ELMO1: variants seen among roughly 807,000 people sequenced by gnomAD.
ELMO1 encodes the protein engulfment and cell motility protein 1.
In ELMO1, 26 loss-of-function variants were observed where a neutral mutation model predicts 98.9. The ratio of observed to expected loss-of-function variants is 0.26; its 90% confidence interval spans 0.19 to 0.36. The LOEUF is 0.36. Among genes scored for constraint, ELMO1 ranks in the 10% least tolerant of loss-of-function variants. The pLI is 1.00. For synonymous variants in ELMO1, 346 were observed against 346.0 expected, an observed-to-expected ratio of 1.00 and a Z score of 0.00; for missense variants, 627 against 935.2, an observed-to-expected ratio of 0.67 and a Z score of 4.30.
At chr7:37,186,694 A>AGCACAAGAAAAGATT (rs1365950131) in intron 13 of ELMO1, among the ~76,000 whole-genome samples, 2 of 152,248 alleles carry the variant, frequency 1.3e-5, no homozygotes, top group African/African-American at 4.8e-5. Flanking sequence ...ATGACCAATA[A>AGCACAAGAAAAGATT]GCACAAGAAA....
intron 16 of ELMO1, among the ~76,000 whole-genome samples, chr7:36,920,276 T>C (rs920774924): frequency 2.6e-5 from 4 of 152,256 alleles, no homozygotes; most frequent in Non-Finnish European, 5.9e-5. Flanking sequence ...CATCTCTGAA[T>C]GAGATTTGGA....
intron 13 of ELMO1, among the ~76,000 whole-genome samples, chr7:37,196,498 G>A (rs6462739): frequency 0.53 from 79,806 of 152,004 alleles, 22,409 homozygotes; most frequent in Non-Finnish European, 0.63. Flanking sequence ...GTTGGTGTGT[G>A]GTCTTCATTA....
chr7:37,365,224 A>G (rs1471053973), intron 1 of ELMO1, among the ~76,000 whole-genome samples: 1 of 150,050 alleles, frequency 6.7e-6, no homozygotes, highest in Non-Finnish European at 1.5e-5. Context: ...GAAACTTCAC[A>G]GAGAGAAGGG....
intron 13 of ELMO1, among the ~76,000 whole-genome samples, chr7:37,158,251 G>C (rs533918065): frequency 6.6e-6 from 1 of 152,254 alleles, no homozygotes; most frequent in South Asian, 2.1e-4. Flanking sequence ...CATTGGCAAA[G>C]ACTTCATGAC....
chr7:37,233,432 C>T (rs899741737), intron 7 of ELMO1, among the ~76,000 whole-genome samples: 13 of 152,280 alleles, frequency 8.5e-5, no homozygotes, highest in African/African-American at 2.4e-4. Flanking sequence ...CCAACAGACC[C>T]GGGCTCACAC....
intron 13 of ELMO1, among the ~76,000 whole-genome samples, chr7:37,137,730 T>C (rs1468429039): frequency 2.0e-5 from 3 of 152,042 alleles, no homozygotes; most frequent in Non-Finnish European, 4.4e-5. Context: ...AGAGACAGGG[T>C]TTTGCCACGT....
intron 14 of ELMO1, among the ~76,000 whole-genome samples, chr7:37,104,593 T>C (rs752046319): frequency 6.6e-6 from 1 of 152,218 alleles, no homozygotes; most frequent in African/African-American, 2.4e-5. Context: ...TGAGCTTTAA[T>C]TGGTCACCTA....
intron 1 of ELMO1, among the ~76,000 whole-genome samples, chr7:37,418,521 T>C (rs1804328262): frequency 6.6e-6 from 1 of 152,150 alleles, no homozygotes; most frequent in African/African-American, 2.4e-5. Context: ...TGGAACTGGA[T>C]CTGCCCAGGC....
chr7:37,253,164 T>G (rs902120009), intron 6 of ELMO1, among the ~76,000 whole-genome samples: 2 of 152,178 alleles, frequency 1.3e-5, no homozygotes, highest in Non-Finnish European at 2.9e-5. Flanking sequence ...TGGAAGACAG[T>G]CTGGTGATTC....
intron 14 of ELMO1, among the ~76,000 whole-genome samples, chr7:37,101,668 T>C (rs1340410135): frequency 2.0e-5 from 3 of 152,052 alleles, no homozygotes; most frequent in African/African-American, 7.3e-5. Flanking sequence ...CAGGAGCTGC[T>C]GGTATAGCCT....
At chr7:37,319,719 T>A (rs1220083128) in intron 2 of ELMO1, among the ~76,000 whole-genome samples, 1 of 152,186 alleles carries the variant, frequency 6.6e-6, no homozygotes, top group East Asian at 1.9e-4. Flanking sequence ...CCTTAATACA[T>A]TCTGTGACAT....
At chr7:37,271,600 T>C (rs977978476) in intron 5 of ELMO1, 4 of 497,188 alleles carry the variant, frequency 8.0e-6, no homozygotes, top group Non-Finnish European at 1.4e-5. Context: ...AAAGCTATCC[T>C]GGGCCGCAGG....
intron 17 of ELMO1, among the ~76,000 whole-genome samples, chr7:36,889,534 AAG>A: frequency 6.6e-6 from 1 of 152,332 alleles, no homozygotes; most frequent in East Asian, 1.9e-4. Flanking sequence ...ATCTGGGAGA[AAG>A]AGTTTTGGAA....
At chr7:37,428,787 G>A (rs1804812052) in intron 1 of ELMO1, among the ~76,000 whole-genome samples, 1 of 152,212 alleles carries the variant, frequency 6.6e-6, no homozygotes, top group African/African-American at 2.4e-5. Flanking sequence ...TAGTGCTTAC[G>A]CACCTCTTAT....
At chr7:37,200,274 T>C (rs923086281) in intron 13 of ELMO1, among the ~76,000 whole-genome samples, 3 of 127,104 alleles carry the variant, frequency 2.4e-5, no homozygotes, top group Non-Finnish European at 4.8e-5. Flanking sequence ...GAGACAAGAG[T>C]GTGACTTTAT....
intron 15 of ELMO1, among the ~76,000 whole-genome samples, chr7:37,069,545 C>T (rs1205106670): frequency 6.6e-6 from 1 of 152,166 alleles, no homozygotes; most frequent in Non-Finnish European, 1.5e-5. Flanking sequence ...AATTGTGCCT[C>T]ACTGTAGCAA....
chr7:37,340,133 T>C (rs1800637636), intron 2 of ELMO1, among the ~76,000 whole-genome samples: 1 of 152,324 alleles, frequency 6.6e-6, no homozygotes, highest in Middle Eastern at 3.4e-3. Context: ...ATAGAGGATC[T>C]TATTGGGACA....
At position 36,903,755 on chromosome 7, in the gene ELMO1, G is replaced by A. The variant is rs142986652; in HGVS notation, c.1438-8738C>T. 1.4e-3 allele frequency among the ~76,000 whole-genome samples: 213 copies of A among 152,336 alleles called. 2 individuals are homozygous for A. The highest frequency in any genetic ancestry group is 7.7e-3 in the South Asian group (37 of 4,828). On this transcript the variant is annotated intron_variant, in intron 16 of 21. Transcript: ENST00000310758. ...TCCAGCGAAAAGGGAGAAAGGGCCT[G>A]CACCCTTCCCTCTGTGCTGCCCAAT...
chr7:36,894,964 G>T lies in ELMO1; in HGVS notation c.1491C>A (p.Ser497Arg). ...GTTTGCTCTTGAACTGGTCCAGGGA[G>T]CTAGGCTTGGTTGTAAGTGCTCTCA... ...QVMRALTTKP[S>R]SLDQFKSKLQ... Residue 497 changes from serine to arginine, a missense_variant, in exon 17 of 22, where the codon AGC becomes AGA. Coordinates refer to ENST00000310758, the MANE Select transcript of ELMO1 (RefSeq NM_014800.11). 1 of 1,614,126 alleles carries T rather than the reference G, an allele frequency of 6.2e-7. No individual in the cohort carries two copies. The highest frequency in any genetic ancestry group is 8.5e-7 in the Non-Finnish European group (1 of 1,179,998).
Sources: gnomAD v4.1 joint callset for allele counts (sites outside exome capture counted in the v4.1 genomes callset) on GRCh38, gnomAD v4.1.1 for gene constraint, MANE v1.5 for transcripts, NCBI Gene and HGNC (gene_info 2026-07-23, HGNC 2026-07-21) for gene names.